Variants in ALK observed in about 807,000 individuals in gnomAD.
The protein encoded by ALK is ALK receptor tyrosine kinase, also known as ALK tyrosine kinase receptor.
A neutral mutation model predicts 163.1 loss-of-function variants in ALK; 74 were observed. The observed-to-expected ratio is 0.45, with a 90% CI of 0.38 to 0.55. ALK has a LOEUF of 0.55. ALK is among the 20% of genes least tolerant of loss of function. The probability of loss-of-function intolerance (pLI) is 0.00; values close to 1 mark genes in which losing one functional copy is unlikely to be tolerated. For synonymous variants in ALK, 960 were observed against 843.2 expected, an observed-to-expected ratio of 1.14 and a Z score of -2.40; for missense variants, 2,063 against 2,105.3, an observed-to-expected ratio of 0.98 and a Z score of 0.39.
intron 1 of ALK, among the ~76,000 whole-genome samples, chr2:29,897,036 G>C (rs571506022): frequency 6.6e-6 from 1 of 152,162 alleles, no homozygotes; most frequent in Non-Finnish European, 1.5e-5. Context: ...AAAGTTAGCA[G>C]AGGCCAGGCG....
chr2:29,901,791 G>A (rs1317309591), intron 1 of ALK, among the ~76,000 whole-genome samples: 1 of 152,162 alleles, frequency 6.6e-6, no homozygotes, highest in African/African-American at 2.4e-5. Context: ...CGTATCTTCT[G>A]GTGAACATTC....
intron 5 of ALK, among the ~76,000 whole-genome samples, chr2:29,328,761 G>A (rs1195724465): frequency 1.3e-5 from 2 of 152,184 alleles, no homozygotes; most frequent in Non-Finnish European, 2.9e-5. Flanking sequence ...TTCCCTCCAT[G>A]ACATTCCTCC....
chr2:29,808,977 TA>T (rs1286897074), intron 1 of ALK, among the ~76,000 whole-genome samples: 1 of 152,238 alleles, frequency 6.6e-6, no homozygotes, highest in Non-Finnish European at 1.5e-5. Flanking sequence ...GTAAATAATT[TA>T]GCCCCATCCA....
intron 1 of ALK, among the ~76,000 whole-genome samples, chr2:29,916,729 T>C (rs1383775379): frequency 6.6e-6 from 1 of 152,156 alleles, no homozygotes; most frequent in African/African-American, 2.4e-5. Flanking sequence ...AGGCCTCCTA[T>C]CCCATGAGTC....
intron 3 of ALK, among the ~76,000 whole-genome samples, chr2:29,660,825 T>G (rs1677324855): frequency 6.6e-6 from 1 of 152,130 alleles, no homozygotes; most frequent in African/African-American, 2.4e-5. Flanking sequence ...TTTTCATAAC[T>G]TATGTCTCTT....
chr2:29,593,427 G>A (rs113722295), intron 3 of ALK, among the ~76,000 whole-genome samples: 320 of 152,240 alleles, frequency 2.1e-3, no homozygotes, highest in African/African-American at 7.3e-3. Flanking sequence ...CCTCTTCACC[G>A]GGATCACTAC....
Position 29,222,335 on chromosome 2 carries a change from T to G in ALK, c.3515+9A>C. On this transcript the variant is annotated intron_variant, in intron 22 of 28. Transcript: ENST00000389048. ...GAGTTGGGGTGAGGGTGTCTCTCTG[T>G]GGCTTTACCTGATGATCAGGGCTTC... is the stretch of plus-strand genomic sequence containing the variant. The G allele has an allele frequency of 6.2e-7, 1 of 1,613,938 alleles. No homozygotes were observed. Among genetic ancestry groups the G allele is most frequent in the Non-Finnish European group, 8.5e-7 (1 of 1,179,900 alleles).
chr2:29,470,063 A>G (rs1308828340), intron 4 of ALK, among the ~76,000 whole-genome samples: 2 of 152,232 alleles, frequency 1.3e-5, no homozygotes, highest in African/African-American at 4.8e-5. Flanking sequence ...TCAAATGGAA[A>G]TTCTAGAAGT....
At chr2:29,890,990 G>A (rs1667129505) in intron 1 of ALK, 1 of 152,214 alleles carries the variant, frequency 6.6e-6, no homozygotes, top group Non-Finnish European at 1.5e-5. Flanking sequence ...GACTGGGTAA[G>A]TTAACTTCTC....
intron 2 of ALK, among the ~76,000 whole-genome samples, chr2:29,711,037 T>G (rs1350347927): frequency 6.6e-5 from 10 of 152,212 alleles, no homozygotes; most frequent in Non-Finnish European, 1.0e-4. Context: ...AATGACATCT[T>G]CATCCACTCA....
chr2:29,241,288 G>A (rs781232916), intron 12 of ALK, among the ~76,000 whole-genome samples: 4 of 152,076 alleles, frequency 2.6e-5, no homozygotes, highest in African/African-American at 9.7e-5. Flanking sequence ...GAGTGCTCCC[G>A]GGCTCCCTGA....
intron 4 of ALK, among the ~76,000 whole-genome samples, chr2:29,444,345 C>T (rs1425201141): frequency 6.6e-6 from 1 of 152,030 alleles, no homozygotes; most frequent in Non-Finnish European, 1.5e-5. Flanking sequence ...AACCAAAGGT[C>T]ACACTGATGT....
rs75414736 is a variant in ALK, at chr2:29,573,499, A to C, written c.953-41383T>G. Among the ~76,000 whole-genome samples the C allele has an allele frequency of 4.6e-3, 706 of 152,370 alleles. 1 individual carries two copies. Among genetic ancestry groups the C allele is most frequent in the African/African-American group, 0.016 (668 of 41,586 alleles). Reference sequence around the variant, plus strand: ...GAAGACTATTTCTTAAAATGTAAAAAAAATTTTTTGAGACAGGATCTCACT... The same window carrying C: ...GAAGACTATTTCTTAAAATGTAAAACAAATTTTTTGAGACAGGATCTCACT... On this transcript the variant is annotated intron_variant, in intron 3 of 28. Transcript: ENST00000389048.
intron 4 of ALK, among the ~76,000 whole-genome samples, chr2:29,467,408 G>A (rs1474266271): frequency 1.3e-5 from 2 of 152,204 alleles, no homozygotes; most frequent in East Asian, 3.8e-4. Flanking sequence ...AGAGCCTGAA[G>A]CCTAGTTTCA....
At chr2:29,480,110 C>G (rs1394752634) in intron 4 of ALK, among the ~76,000 whole-genome samples, 1 of 152,120 alleles carries the variant, frequency 6.6e-6, no homozygotes, top group African/African-American at 2.4e-5. Flanking sequence ...GTGAAAAACA[C>G]AAGTTGCAAA....
intron 5 of ALK, among the ~76,000 whole-genome samples, chr2:29,370,096 G>T (rs1468971576): frequency 6.6e-6 from 1 of 152,328 alleles, no homozygotes; most frequent in Middle Eastern, 3.4e-3. Context: ...GTGATGGTAA[G>T]ACAAGGAGGA....
intron 13 of ALK, among the ~76,000 whole-genome samples, chr2:29,238,019 C>T (rs1185431206): frequency 6.6e-6 from 1 of 152,106 alleles, no homozygotes; most frequent in African/African-American, 2.4e-5. Flanking sequence ...AGACGGAGGG[C>T]TGTGTATGTG....
intron 9 of ALK, among the ~76,000 whole-genome samples, 159 bp downstream of exon 9, chr2:29,296,729 G>A (rs1558658139): frequency 6.6e-6 from 1 of 152,142 alleles, no homozygotes; most frequent in Non-Finnish European, 1.5e-5. Context: ...CAGAGTGTGT[G>A]TGTGTGTGTG....
intron 1 of ALK, among the ~76,000 whole-genome samples, chr2:29,739,564 A>G (rs1558467179): frequency 6.6e-6 from 1 of 151,964 alleles, no homozygotes; most frequent in Non-Finnish European, 1.5e-5. Context: ...TCTCAAAAAA[A>G]AAAAAAAAAA....
Sources: gnomAD v4.1 joint callset for allele counts (sites outside exome capture counted in the v4.1 genomes callset) on GRCh38, gnomAD v4.1.1 for gene constraint, MANE v1.5 for transcripts, NCBI Gene and HGNC (gene_info 2026-07-23, HGNC 2026-07-21) for gene names.